Variants in RPS6KC1 observed in about 807,000 individuals in gnomAD.
RPS6KC1 encodes the protein inactive ribosomal protein S6 kinase delta-1.
RPS6KC1 carries 54 observed loss-of-function variants against 103.8 expected under a neutral mutation model. The ratio of observed to expected loss-of-function variants is 0.52; its 90% CI spans 0.42 to 0.65. The LOEUF (loss-of-function observed/expected upper bound fraction) is 0.65. RPS6KC1 is among the 30% of genes least tolerant of loss of function. The probability of loss-of-function intolerance (pLI) is 0.00; values close to 1 mark genes in which losing one functional copy is unlikely to be tolerated. For synonymous variants in RPS6KC1, 439 were observed against 438.7 expected (o/e 1.00, Z -0.01); for missense variants, 1,151 against 1,253.8 (o/e 0.92, Z 1.24).
rs181788257 is a variant in RPS6KC1 at position 213,220,160 on chromosome 1, T to G, written c.1045-10337T>G. On this transcript the variant is annotated intron_variant, in intron 8 of 14. Coordinates refer to ENST00000366960, the MANE Select transcript of RPS6KC1 (RefSeq NM_012424.6). ...AGGTTATGTTTGTATTAATCAGGTT[T>G]AAATGTAGGGTAAGATAAATGTCCT... 4.6e-3 allele frequency among the ~76,000 whole-genome samples: 518 copies of G among 112,564 alleles called. 2 individuals carry two copies. The highest frequency in any genetic ancestry group is 0.026 in the Middle Eastern group (6 of 234). 73.8% of individuals were successfully genotyped at this position (112,564 alleles called of 152,430 possible).
At chr1:213,511,849 C>G in the RPS6KC1 span, among the ~76,000 whole-genome samples, 3 of 152,184 alleles carry the variant, frequency 2.0e-5, no homozygotes, top group Non-Finnish European at 2.9e-5. Flanking sequence ...TTTCCAGGCA[C>G]TTGTCACCTT....
chr1:213,424,270 T>C, the RPS6KC1 span, among the ~76,000 whole-genome samples: 2 of 152,254 alleles, frequency 1.3e-5, no homozygotes, highest in Admixed American at 6.5e-5. Context: ...GTTTTGTTTT[T>C]GTTTTGTGTT....
chr1:213,055,581 A>AT (rs1480139497), intron 1 of RPS6KC1, among the ~76,000 whole-genome samples: 1 of 152,152 alleles, frequency 6.6e-6, no homozygotes, highest in African/African-American at 2.4e-5. Flanking sequence ...ATGATACCAC[A>AT]TGGCTTTGTT....
At chr1:213,503,424 T>G in the RPS6KC1 span, among the ~76,000 whole-genome samples, 2 of 152,172 alleles carry the variant, frequency 1.3e-5, no homozygotes, top group Non-Finnish European at 2.9e-5. Context: ...GATCATGTGG[T>G]GCCAAGCATG....
intron 8 of RPS6KC1, among the ~76,000 whole-genome samples, chr1:213,199,651 A>G (rs1398919470): frequency 6.6e-6 from 1 of 152,226 alleles, no homozygotes; most frequent in Non-Finnish European, 1.5e-5. Context: ...GGCCAGGGTA[A>G]TCAGGCAAGA....
the RPS6KC1 span, among the ~76,000 whole-genome samples, chr1:213,627,201 G>T: frequency 6.6e-6 from 1 of 152,282 alleles, no homozygotes; most frequent in African/African-American, 2.4e-5. Context: ...GTGAATGGGA[G>T]TTCAGTCATG....
the RPS6KC1 span, among the ~76,000 whole-genome samples, chr1:213,550,136 C>A: frequency 6.6e-6 from 1 of 152,150 alleles, no homozygotes; most frequent in African/African-American, 2.4e-5. Flanking sequence ...ACCTATGGCA[C>A]CAAAGCCCTA....
the RPS6KC1 span, among the ~76,000 whole-genome samples, chr1:213,779,714 C>A: frequency 2.0e-5 from 3 of 152,170 alleles, no homozygotes; most frequent in Non-Finnish European, 2.9e-5. Context: ...CCAGTTAGTT[C>A]AAGTTGATGA....
At chr1:213,296,928 G>A in the RPS6KC1 span, among the ~76,000 whole-genome samples, 2 of 152,168 alleles carry the variant, frequency 1.3e-5, no homozygotes, top group African/African-American at 4.8e-5. Context: ...AAGGAGTAAG[G>A]TGGGGAAGAA....
At chr1:213,089,465 GT>G (rs111263225) in intron 3 of RPS6KC1, among the ~76,000 whole-genome samples, 1,645 of 141,776 alleles carry the variant, frequency 0.012, 30 homozygotes, top group African/African-American at 0.037. Flanking sequence ...TTTGCTGTTT[GT>G]TTTTTTTTTT....
intron 5 of RPS6KC1, among the ~76,000 whole-genome samples, chr1:213,118,354 A>G (rs1198676458): frequency 6.6e-6 from 1 of 152,114 alleles, no homozygotes; most frequent in Non-Finnish European, 1.5e-5. Context: ...GGATTTTTAA[A>G]ATCAAAATAG....
At chr1:213,703,630 T>C in the RPS6KC1 span, among the ~76,000 whole-genome samples, 1 of 152,144 alleles carries the variant, frequency 6.6e-6, no homozygotes, top group Admixed American at 6.5e-5. Context: ...AGGGTAAAAG[T>C]TTTTTCCTTC....
At chr1:213,702,196 G>T in the RPS6KC1 span, among the ~76,000 whole-genome samples, 1 of 151,508 alleles carries the variant, frequency 6.6e-6, no homozygotes, top group Non-Finnish European at 1.5e-5. Context: ...GGAGCATATT[G>T]TTTACTTTCC....
At chr1:213,846,953 A>G in the RPS6KC1 span, among the ~76,000 whole-genome samples, 1 of 152,124 alleles carries the variant, frequency 6.6e-6, no homozygotes, top group Middle Eastern at 3.2e-3. Context: ...TTTTGGGTTG[A>G]TACTTCACCC....
At chr1:213,405,904 G>A in the RPS6KC1 span, among the ~76,000 whole-genome samples, 1 of 152,326 alleles carries the variant, frequency 6.6e-6, no homozygotes, top group South Asian at 2.1e-4. Flanking sequence ...TGGGCAGTGT[G>A]GGGCCATGGC....
chr1:213,362,415 C>T, the RPS6KC1 span, among the ~76,000 whole-genome samples: 3 of 152,148 alleles, frequency 2.0e-5, no homozygotes, highest in Non-Finnish European at 4.4e-5. Flanking sequence ...CCGATTTACT[C>T]TTATATCTCA....
the RPS6KC1 span, among the ~76,000 whole-genome samples, chr1:213,531,465 G>T: frequency 6.6e-6 from 1 of 152,164 alleles, no homozygotes; most frequent in Non-Finnish European, 1.5e-5. Context: ...GACAGGTGTG[G>T]TTACCCCCAT....
chr1:213,137,547 G>A (rs1257622732), intron 6 of RPS6KC1, among the ~76,000 whole-genome samples: 3 of 150,834 alleles, frequency 2.0e-5, no homozygotes, highest in Non-Finnish European at 4.4e-5. Flanking sequence ...TGGTCAGGCT[G>A]GTCTCAAACT....
the RPS6KC1 span, among the ~76,000 whole-genome samples, chr1:213,316,527 G>A: frequency 6.6e-6 from 1 of 152,334 alleles, no homozygotes; most frequent in East Asian, 1.9e-4. Context: ...TGTCTATTAT[G>A]TGCTAGGCAC....
Sources: gnomAD v4.1 joint callset for allele counts (sites outside exome capture counted in the v4.1 genomes callset) on GRCh38, gnomAD v4.1.1 for gene constraint, MANE v1.5 for transcripts, NCBI Gene and HGNC (gene_info 2026-07-23, HGNC 2026-07-21) for gene names.